Variants in AGBL4 observed in about 807,000 individuals in gnomAD.
AGBL4 encodes cytosolic carboxypeptidase 6.
A neutral mutation model predicts 66.4 loss-of-function variants in AGBL4; 58 were observed. That is an observed-to-expected ratio of 0.87 (90% CI 0.71 to 1.09). The LOEUF is 1.09. Ranked by LOEUF, AGBL4 falls within the 50% of genes least tolerant of loss-of-function variation. AGBL4 has a pLI of 0.00. For synonymous variants in AGBL4, 234 were observed against 222.9 expected, an observed-to-expected ratio of 1.05 and a Z score of -0.44; for missense variants, 579 against 631.0, an observed-to-expected ratio of 0.92 and a Z score of 0.88.
intron 6 of AGBL4, among the ~76,000 whole-genome samples, chr1:48,749,789 C>T (rs1052072392): frequency 6.6e-6 from 1 of 152,184 alleles, no homozygotes; most frequent in African/African-American, 2.4e-5. Flanking sequence ...TCTCTCCTGC[C>T]CAACTATCTG....
chr1:48,808,658 AAG>A (rs145109464), intron 6 of AGBL4, among the ~76,000 whole-genome samples: 6,616 of 152,250 alleles, frequency 0.043, 469 homozygotes, highest in African/African-American at 0.15. Flanking sequence ...ATGAAAGGAA[AAG>A]AGAGAGTTAA....
intron 4 of AGBL4, among the ~76,000 whole-genome samples, chr1:49,160,460 C>A (rs764872606): frequency 6.6e-6 from 1 of 152,156 alleles, no homozygotes; most frequent in Non-Finnish European, 1.5e-5. Flanking sequence ...CCAGCTGGAG[C>A]TCTCCTGTAT....
At chr1:49,132,540 C>T (rs562503357) in intron 4 of AGBL4, among the ~76,000 whole-genome samples, 1 of 152,076 alleles carries the variant, frequency 6.6e-6, no homozygotes, top group East Asian at 1.9e-4. Context: ...AAAAAGTGAC[C>T]AAGTTCTATG....
intron 3 of AGBL4, among the ~76,000 whole-genome samples, chr1:49,694,241 A>G (rs1364890011): frequency 6.6e-6 from 1 of 152,162 alleles, no homozygotes; most frequent in Admixed American, 6.5e-5. Context: ...TTGAGAGATG[A>G]AAAAAAGATT....
At chr1:49,293,430 A>G (rs1189818114) in intron 3 of AGBL4, among the ~76,000 whole-genome samples, 4 of 152,238 alleles carry the variant, frequency 2.6e-5, no homozygotes, top group African/African-American at 9.6e-5. Context: ...TCTGGCCAGA[A>G]AAACAACAAC....
chr1:48,859,681 A>G (rs1168781616), intron 6 of AGBL4, among the ~76,000 whole-genome samples: 1 of 152,250 alleles, frequency 6.6e-6, no homozygotes, highest in Non-Finnish European at 1.5e-5. Flanking sequence ...AGGGACATGT[A>G]CCAAGAGTGA....
At chr1:49,012,766 AGAAAGT>A (rs1360100132) in intron 5 of AGBL4, among the ~76,000 whole-genome samples, 2 of 152,218 alleles carry the variant, frequency 1.3e-5, no homozygotes, top group South Asian at 2.1e-4. Context: ...GCTGAACTGT[AGAAAGT>A]GAATGTTCTG....
At chr1:49,882,701 G>A (rs1647524059) in intron 1 of AGBL4, among the ~76,000 whole-genome samples, 1 of 152,124 alleles carries the variant, frequency 6.6e-6, no homozygotes, top group South Asian at 2.1e-4. Context: ...TCTGTTATTG[G>A]TGTATAGGAA....
intron 3 of AGBL4, among the ~76,000 whole-genome samples, chr1:49,666,696 TTTA>T (rs1245213994): frequency 6.6e-6 from 1 of 152,122 alleles, no homozygotes. Flanking sequence ...AGAGCTAAAA[TTTA>T]TTGAGTGCTT....
At chr1:48,744,211 T>C (rs1650375435) in intron 6 of AGBL4, among the ~76,000 whole-genome samples, 1 of 152,246 alleles carries the variant, frequency 6.6e-6, no homozygotes, top group Non-Finnish European at 1.5e-5. Context: ...CTAGGTCTTA[T>C]TCTTTCCTTT....
intron 4 of AGBL4, among the ~76,000 whole-genome samples, chr1:49,060,874 G>A (rs560402614): frequency 6.6e-6 from 1 of 152,288 alleles, no homozygotes; most frequent in South Asian, 2.1e-4. Context: ...CATGAGAGTA[G>A]CTTCAAGTGA....
intron 3 of AGBL4, chr1:49,268,315 A>AT (rs1320645575): frequency 6.6e-6 from 1 of 151,984 alleles, no homozygotes; most frequent in African/African-American, 2.4e-5. Context: ...GGAAGAAGCT[A>AT]TAGGTTTTCT....
At chr1:49,103,587 T>A (rs1309030324) in intron 4 of AGBL4, among the ~76,000 whole-genome samples, 1 of 152,122 alleles carries the variant, frequency 6.6e-6, no homozygotes, top group Non-Finnish European at 1.5e-5. Flanking sequence ...AGCTTCTGAC[T>A]TCTCTATTCC....
At chr1:48,723,778 C>A (rs868745650) in intron 6 of AGBL4, among the ~76,000 whole-genome samples, 1 of 152,140 alleles carries the variant, frequency 6.6e-6, no homozygotes, top group South Asian at 2.1e-4. Flanking sequence ...TTATATATAT[C>A]AAGAGTGATA....
intron 3 of AGBL4, among the ~76,000 whole-genome samples, chr1:49,646,604 G>A (rs1286513871): frequency 6.6e-6 from 1 of 151,874 alleles, no homozygotes; most frequent in African/African-American, 2.4e-5. Flanking sequence ...GTTATTTTCT[G>A]GCTAAACTGA....
chr1:49,145,454 G>A (rs1557678218), intron 4 of AGBL4, among the ~76,000 whole-genome samples: 1 of 152,134 alleles, frequency 6.6e-6, no homozygotes, highest in Admixed American at 6.6e-5. Flanking sequence ...TGATCATTTT[G>A]TATGTGTCAG....
At chr1:49,960,347 T>C (rs1293428078) in intron 1 of AGBL4, among the ~76,000 whole-genome samples, 1 of 152,026 alleles carries the variant, frequency 6.6e-6, no homozygotes, top group Admixed American at 6.6e-5. Context: ...TTCTCACTCA[T>C]ATGTGAAAGC....
intron 4 of AGBL4, among the ~76,000 whole-genome samples, chr1:49,106,050 C>T: frequency 6.6e-6 from 1 of 152,112 alleles, no homozygotes; most frequent in East Asian, 1.9e-4. Flanking sequence ...TCTTTTACAG[C>T]CTTATCTAGG....
intron 4 of AGBL4, among the ~76,000 whole-genome samples, chr1:49,213,000 C>T (rs1648792201): frequency 1.3e-5 from 2 of 152,080 alleles, no homozygotes; most frequent in Non-Finnish European, 2.9e-5. Flanking sequence ...GATTTTTCCA[C>T]ATACTGAATT....
Sources: gnomAD v4.1 joint callset for allele counts (sites outside exome capture counted in the v4.1 genomes callset) on GRCh38, gnomAD v4.1.1 for gene constraint, MANE v1.5 for transcripts, NCBI Gene and HGNC (gene_info 2026-07-23, HGNC 2026-07-21) for gene names.